The following PLAG1 variants were observed in gnomAD, a reference collection of about 807,000 sequenced individuals.
The protein encoded by PLAG1 is zinc finger protein PLAG1.
Under a neutral mutation model 35.5 loss-of-function variants are expected in PLAG1, and 7 were observed. That is an observed-to-expected ratio of 0.20 (90% CI 0.11 to 0.37). PLAG1 has a LOEUF of 0.37. PLAG1 is among the 10% of genes least tolerant of loss of function. PLAG1 has a pLI of 1.00. For missense variants in PLAG1, 454 were observed against 602.8 expected (o/e 0.75, Z 2.58); for synonymous variants, 229 against 225.4 (o/e 1.02, Z -0.14).
chr8:56,183,524 CTAT>C (rs1306443762), intron 1 of PLAG1, among the ~76,000 whole-genome samples: 1 of 152,130 alleles, frequency 6.6e-6, no homozygotes, highest in African/African-American at 2.4e-5. Flanking sequence ...AGCATTTACA[CTAT>C]TATTCCAATT....
rs759992587 is a variant in PLAG1, at chr8:56,167,545, A to C, written c.243-42T>G. The C allele has an allele frequency of 7.7e-7, 1 of 1,294,108 alleles. No individual in the cohort carries two copies. The highest frequency in any genetic ancestry group is 1.5e-5 in the African/African-American group (1 of 67,354). The allele number at this position is 1,294,108 out of a possible 1,614,324, so 80.2% of individuals were successfully genotyped here. A position where few individuals can be genotyped will look rare whatever the true frequency, so the allele number is the denominator to read the frequency against. On this transcript the variant is annotated intron_variant, in intron 4 of 4. Coordinates refer to ENST00000316981, the MANE Select transcript of PLAG1 (RefSeq NM_002655.3). The surrounding 1 kb of genome is among the most constrained non-coding windows in gnomAD (Gnocchi z 5.9). ...AATCTATAAGTAGTTATTATGACAA[A>C]AATGGCATGTATTCACTTTTCAAAT...
At chr8:56,170,937 A>G (rs866606605) in intron 3 of PLAG1, among the ~76,000 whole-genome samples, 154 bp downstream of exon 3, 1 of 152,240 alleles carries the variant, frequency 6.6e-6, no homozygotes, top group Non-Finnish European at 1.5e-5. Flanking sequence ...GTATATTACA[A>G]AACTCAAATT....
intron 1 of PLAG1, among the ~76,000 whole-genome samples, chr8:56,210,816 C>T (rs971019146): frequency 5.9e-5 from 9 of 151,722 alleles, no homozygotes; most frequent in African/African-American, 9.7e-5. Context: ...ACTTTCCAGA[C>T]CCTGAATAAA....
intron 2 of PLAG1, among the ~76,000 whole-genome samples, chr8:56,172,963 C>A (rs1468337363): frequency 6.6e-6 from 1 of 152,154 alleles, no homozygotes; most frequent in Admixed American, 6.5e-5. Flanking sequence ...ATAGCTAATA[C>A]ATCTGTCTGA....
At chr8:56,200,869 G>T (rs1019137409) in intron 1 of PLAG1, among the ~76,000 whole-genome samples, 8 of 152,126 alleles carry the variant, frequency 5.3e-5, no homozygotes, top group Non-Finnish European at 1.0e-4. Context: ...ACAATGCTCT[G>T]GGATCTCTTT....
chr8:56,166,544 G>A lies in PLAG1; in HGVS notation c.1202C>T (p.Ser401Phe). ...LDDGAGDLSL[S>F]KSSISISDPL... The stretch of plus-strand genomic sequence containing the variant: ...GTCACTGATGGAGATAGAGCTTTTG[G>A]ATAGGGAGAGGTCTCCTGCACCATC... The change falls in exon 5 of 5, where the codon TCC becomes TTC. Residue 401 changes from serine (S) to phenylalanine (F), a missense_variant. Ser to Phe is a radical substitution (Grantham distance 155). Coordinates refer to ENST00000316981, the MANE Select transcript of PLAG1 (RefSeq NM_002655.3). 6.2e-7 allele frequency: 1 copy of A among 1,613,936 alleles called. No homozygotes were observed. Among genetic ancestry groups the A allele is most frequent in the Non-Finnish European group, 8.5e-7 (1 of 1,179,900 alleles).
intron 1 of PLAG1, among the ~76,000 whole-genome samples, chr8:56,210,469 C>T (rs1354431160): frequency 3.3e-5 from 5 of 151,678 alleles, no homozygotes; most frequent in African/African-American, 1.2e-4. Flanking sequence ...ACCCCGACCC[C>T]GGCTTGCCCA....
rs1005030012 is a variant in PLAG1 at position 56,164,875 on chromosome 8, C to T, written c.*1368G>A. 9.5e-6 allele frequency: 2 copies of T among 210,532 alleles called. No individual in the cohort carries two copies. The highest frequency in any genetic ancestry group is 1.9e-4 in the South Asian group (1 of 5,322). 13.0% of individuals were successfully genotyped at this position (210,532 alleles called of 1,614,324 possible). A position where few individuals can be genotyped will look rare whatever the true frequency, so the allele number is the denominator to read the frequency against. On this transcript the variant is annotated 3_prime_UTR_variant, in exon 5 of 5. Coordinates refer to ENST00000316981, the MANE Select transcript of PLAG1 (RefSeq NM_002655.3). ...CTACAAACTCAACTTATTTGCAATA[C>T]TCCTATCATTTCCCAGAGATGCATG...
chr8:56,175,132 T>C (rs781338760), intron 2 of PLAG1, among the ~76,000 whole-genome samples: 1 of 152,194 alleles, frequency 6.6e-6, no homozygotes, highest in Non-Finnish European at 1.5e-5. Flanking sequence ...TAAGCAGCTA[T>C]TTGAAAAGTC....
chr8:56,208,798 ATAG>A (rs1812770718), intron 1 of PLAG1, among the ~76,000 whole-genome samples: 1 of 152,256 alleles, frequency 6.6e-6, no homozygotes, highest in South Asian at 2.1e-4. Flanking sequence ...ATAAGAGCCG[ATAG>A]TAGTTTATGG....
intron 1 of PLAG1, among the ~76,000 whole-genome samples, chr8:56,197,244 C>T (rs1032177649): frequency 6.6e-6 from 1 of 152,118 alleles, no homozygotes; most frequent in African/African-American, 2.4e-5. Flanking sequence ...CCCTCACATC[C>T]GGGGCTGTGT....
chr8:56,191,810 A>G (rs77011426), intron 1 of PLAG1, among the ~76,000 whole-genome samples: 3 of 129,206 alleles, frequency 2.3e-5, no homozygotes, highest in East Asian at 2.0e-4. Flanking sequence ...AAACACAGGA[A>G]AAAAAAAAAA....
At chr8:56,197,527 G>A (rs1723987187) in intron 1 of PLAG1, among the ~76,000 whole-genome samples, 1 of 152,188 alleles carries the variant, frequency 6.6e-6, no homozygotes, top group African/African-American at 2.4e-5. Context: ...TGTGAACTGG[G>A]TGTATTTCTC....
rs192140032 is a variant in PLAG1, at chr8:56,179,966, G to C, written c.-321-453C>G. Among the ~76,000 whole-genome samples, 119 of 152,156 alleles carry C rather than the reference G, an allele frequency of 7.8e-4. 1 individual carries two copies. The highest frequency in any genetic ancestry group is 2.7e-3 in the African/African-American group (113 of 41,506). On this transcript the variant is annotated intron_variant, in intron 1 of 4. Coordinates refer to ENST00000316981, the MANE Select transcript of PLAG1 (RefSeq NM_002655.3). ...CCAGGCCACCTGTCCACAGAGAAGGGTGCAAGCCACTGAGCACCCTCAAGC... is the reference window on the plus strand; with the variant it reads ...CCAGGCCACCTGTCCACAGAGAAGGCTGCAAGCCACTGAGCACCCTCAAGC...
intron 1 of PLAG1, among the ~76,000 whole-genome samples, chr8:56,206,122 A>C (rs1385593771): frequency 1.3e-5 from 2 of 152,002 alleles, no homozygotes; most frequent in African/African-American, 2.4e-5. Context: ...ACATACACAA[A>C]ATCAGAAAAC....
At position 56,162,649 on chromosome 8, in the gene PLAG1, A is replaced by C. The variant is rs1463424959; in HGVS notation, c.*3594T>G. On this transcript the variant is annotated 3_prime_UTR_variant, in exon 5 of 5. Coordinates refer to ENST00000316981, the MANE Select transcript of PLAG1 (RefSeq NM_002655.3). ...TGTAATATGTGTAGTATAGAGGTTG[A>C]CCAAGCTCTATTTTTTAAAAAAATA... 9.5e-6 allele frequency: 2 copies of C among 210,470 alleles called. No homozygotes were observed. The highest frequency in any genetic ancestry group is 4.5e-5 in the African/African-American group (2 of 44,092). 13.0% of individuals were successfully genotyped at this position (210,470 alleles called of 1,614,324 possible).
At chr8:56,183,537 T>G (rs1366604662) in intron 1 of PLAG1, among the ~76,000 whole-genome samples, 14 of 152,194 alleles carry the variant, frequency 9.2e-5, no homozygotes, top group Admixed American at 9.2e-4. Context: ...TTATTCCAAT[T>G]TTTTAAAAGT....
chr8:56,210,226 T>C (rs2129237255), intron 1 of PLAG1, among the ~76,000 whole-genome samples: 1 of 152,342 alleles, frequency 6.6e-6, no homozygotes, highest in East Asian at 1.9e-4. Context: ...GTACATACTT[T>C]TACCTTTAGC....
chr8:56,179,491 C>A lies in PLAG1; in HGVS notation c.-299G>T. On this transcript the variant is annotated 5_prime_UTR_variant, in exon 2 of 5. Transcript: ENST00000316981. ...GAAGCATTCTGGGTGCCAAATACGG[C>A]CAAGGCAGCACCAAGAGGCAACCTA... is the stretch of plus-strand genomic sequence containing the variant. The A allele has an allele frequency of 1.0e-6, 1 of 972,750 alleles. No individual in the cohort carries two copies. Among genetic ancestry groups the A allele is most frequent in the Non-Finnish European group, 1.2e-6 (1 of 818,064 alleles). The allele number at this position is 972,750 out of a possible 1,614,324, so 60.3% of individuals were successfully genotyped here.
Sources: allele counts gnomAD v4.1 joint callset (sites outside exome capture counted in the v4.1 genomes callset), GRCh38; gene constraint gnomAD v4.1.1; non-coding constraint Gnocchi (gnomAD v3.1); transcripts MANE v1.5; gene names NCBI Gene and HGNC (gene_info 2026-07-23, HGNC 2026-07-21).